KCNB2: variants seen among roughly 807,000 people sequenced by gnomAD.
The protein encoded by KCNB2 is potassium voltage-gated channel subfamily B member 2.
Under a neutral mutation model 61.5 loss-of-function variants are expected in KCNB2, and 15 were observed. That is an observed-to-expected ratio of 0.24 (90% confidence interval 0.16 to 0.38). The LOEUF is 0.38. Among genes scored for constraint, KCNB2 ranks in the 10% least tolerant of loss-of-function variants. The probability of loss-of-function intolerance (pLI) is 1.00; values close to 1 mark genes in which losing one functional copy is unlikely to be tolerated. For synonymous variants in KCNB2, 457 were observed against 446.0 expected (o/e 1.02, Z -0.31); for missense variants, 828 against 1,125.2 (o/e 0.74, Z 3.78).
chr8:72,870,565 A>T (rs552726690), intron 2 of KCNB2, among the ~76,000 whole-genome samples: 1 of 152,286 alleles, frequency 6.6e-6, no homozygotes, highest in South Asian at 2.1e-4. Context: ...AATGGGAAAC[A>T]GTATAGGGTA....
At chr8:72,833,711 C>T (rs1809734809) in intron 2 of KCNB2, among the ~76,000 whole-genome samples, 1 of 152,048 alleles carries the variant, frequency 6.6e-6, no homozygotes, top group South Asian at 2.1e-4. Context: ...CTGGGAAGTA[C>T]AGATGTTACA....
chr8:72,915,216 C>G (rs776693625), intron 2 of KCNB2, among the ~76,000 whole-genome samples: 1 of 152,156 alleles, frequency 6.6e-6, no homozygotes, highest in Non-Finnish European at 1.5e-5. Flanking sequence ...GCCACTGCGC[C>G]GAGCATGACT....
intron 2 of KCNB2, among the ~76,000 whole-genome samples, chr8:72,591,012 A>G (rs938138021): frequency 6.6e-5 from 10 of 152,202 alleles, no homozygotes; most frequent in Admixed American, 5.9e-4. Flanking sequence ...TTTGATAAGT[A>G]TGCGTCACAC....
chr8:72,600,957 TAACA>T (rs1805341426), intron 2 of KCNB2, among the ~76,000 whole-genome samples: 1 of 149,628 alleles, frequency 6.7e-6, no homozygotes, highest in Admixed American at 6.7e-5. Context: ...TTTGCTTGTA[TAACA>T]AACCTGCACA....
intron 2 of KCNB2, among the ~76,000 whole-genome samples, chr8:72,590,803 G>A (rs1215637432): frequency 6.6e-6 from 1 of 152,126 alleles, no homozygotes; most frequent in Non-Finnish European, 1.5e-5. Flanking sequence ...AAAAATCTGG[G>A]ATTCATTCGA....
intron 2 of KCNB2, among the ~76,000 whole-genome samples, chr8:72,668,237 T>A (rs550596217): frequency 6.6e-6 from 1 of 152,166 alleles, no homozygotes; most frequent in African/African-American, 2.4e-5. Context: ...ATGTCCAAGG[T>A]TTTTATTGGG....
At chr8:72,680,819 A>G (rs769116473) in intron 2 of KCNB2, among the ~76,000 whole-genome samples, 1 of 152,158 alleles carries the variant, frequency 6.6e-6, no homozygotes, top group African/African-American at 2.4e-5. Context: ...TGGCTTCACT[A>G]CTATGGGCTG....
intron 2 of KCNB2, among the ~76,000 whole-genome samples, chr8:72,707,651 A>G (rs1028711552): frequency 1.3e-5 from 2 of 152,178 alleles, no homozygotes; most frequent in Admixed American, 1.3e-4. Flanking sequence ...GGCTATCCAG[A>G]ACTCAAAAAC....
chr8:72,833,238 A>C (rs970478314), intron 2 of KCNB2, among the ~76,000 whole-genome samples: 5 of 152,194 alleles, frequency 3.3e-5, no homozygotes, highest in Non-Finnish European at 7.3e-5. Flanking sequence ...GAATAAAAAT[A>C]GGAAGCTTCA....
chr8:72,937,533 A>C lies in KCNB2; in HGVS notation c.2178A>C (p.Ala726=), dbSNP rs142525254. 22,794 of 1,613,834 alleles carry C rather than the reference A, an allele frequency of 0.014. 203 individuals carry two copies. Among genetic ancestry groups the C allele is most frequent in the Middle Eastern group, 0.031 (185 of 6,060 alleles). The change falls in exon 3 of 3, where the codon GCA becomes GCC. Residue 726 remains alanine, a synonymous_variant. Transcript: ENST00000523207. ...ACTTTAAGGAAAATAGAGGCAGTGC[A>C]CCACAGACCCCGCCCAGCACAGCCA... is the stretch of plus-strand genomic sequence containing the variant. ...KVNFKENRGS[A]PQTPPSTARP... is the part of the protein sequence containing the mutation.
intron 2 of KCNB2, among the ~76,000 whole-genome samples, chr8:72,813,579 A>G (rs949756015): frequency 6.6e-6 from 1 of 152,196 alleles, no homozygotes; most frequent in Non-Finnish European, 1.5e-5. Context: ...ACCTGAGTCT[A>G]CCCAGGATGC....
chr8:72,771,328 G>T (rs1808554169), intron 2 of KCNB2, among the ~76,000 whole-genome samples: 1 of 152,114 alleles, frequency 6.6e-6, no homozygotes, highest in African/African-American at 2.4e-5. Flanking sequence ...TATTTAATTT[G>T]CCTGCCTGCA....
chr8:72,658,987 A>G lies in KCNB2; in HGVS notation c.579+90674A>G, dbSNP rs1392022877. Among the ~76,000 whole-genome samples, 3 of 152,164 alleles carry G rather than the reference A, an allele frequency of 2.0e-5. No homozygotes were observed. The East Asian group carries it at 5.8e-4, about 29-fold the overall frequency. On this transcript the variant is annotated intron_variant, in intron 2 of 2. Transcript: ENST00000523207. Reference sequence around the variant, plus strand: ...ATGAATGTTGTTTTCATGCCTGCAAACACAACATCATTCAATTTTCAGCCC... The same window carrying G: ...ATGAATGTTGTTTTCATGCCTGCAAGCACAACATCATTCAATTTTCAGCCC...
intron 2 of KCNB2, among the ~76,000 whole-genome samples, chr8:72,631,067 G>C (rs893955241): frequency 6.6e-6 from 1 of 152,018 alleles, no homozygotes; most frequent in African/African-American, 2.4e-5. Flanking sequence ...AATAAGAGAT[G>C]AACAACAATA....
In KCNB2 at chr8:72,567,728, G is replaced by A; in HGVS notation, c.-7G>A. The stretch of plus-strand genomic sequence containing the variant: ...GACCCTGGCTCTGCGGCTTTGTCCA[G>A]TTCAAAATGGCAGAAAAGGCTCCCC... On this transcript the variant is annotated 5_prime_UTR_variant, in exon 2 of 3. Coordinates refer to ENST00000523207, the MANE Select transcript of KCNB2 (RefSeq NM_004770.3). 6.5e-7 allele frequency: 1 copy of A among 1,547,082 alleles called. No individual in the cohort carries two copies. Among genetic ancestry groups the A allele is most frequent in the Non-Finnish European group, 8.7e-7 (1 of 1,150,262 alleles).
chr8:72,741,753 C>CT (rs1807963833), intron 2 of KCNB2, among the ~76,000 whole-genome samples: 1 of 152,108 alleles, frequency 6.6e-6, no homozygotes, highest in Admixed American at 6.6e-5. Context: ...TTATTTTGTT[C>CT]TTTTTTATGG....
intron 2 of KCNB2, among the ~76,000 whole-genome samples, chr8:72,836,442 T>C (rs963110675): frequency 2.0e-5 from 3 of 152,244 alleles, no homozygotes; most frequent in Admixed American, 2.0e-4. Context: ...CAGATGCTTG[T>C]TGCAAGTCAT....
intron 2 of KCNB2, among the ~76,000 whole-genome samples, chr8:72,807,624 T>C (rs1809246361): frequency 6.6e-6 from 1 of 152,170 alleles, no homozygotes; most frequent in Non-Finnish European, 1.5e-5. Context: ...CAGACAGATT[T>C]GTGTTTGACT....
chr8:72,924,081 A>G (rs896185250), intron 2 of KCNB2, among the ~76,000 whole-genome samples: 2 of 152,210 alleles, frequency 1.3e-5, no homozygotes, highest in African/African-American at 4.8e-5. Flanking sequence ...GGGTCAAGTC[A>G]TCCGACTCAA....
Sources: gnomAD v4.1 joint callset for allele counts (sites outside exome capture counted in the v4.1 genomes callset) on GRCh38, gnomAD v4.1.1 for gene constraint, MANE v1.5 for transcripts, NCBI Gene and HGNC (gene_info 2026-07-23, HGNC 2026-07-21) for gene names.